Variants in COL4A1 observed in about 807,000 individuals in gnomAD.
COL4A1 encodes collagen alpha-1(IV) chain.
A neutral mutation model predicts 216.6 loss-of-function variants in COL4A1; 40 were observed. The ratio of observed to expected loss-of-function variants is 0.18; its 90% CI spans 0.14 to 0.24. COL4A1 has a LOEUF of 0.24. COL4A1 is among the 10% of genes least tolerant of loss of function. The pLI is 1.00. For synonymous variants in COL4A1, 839 were observed against 810.7 expected (o/e 1.03, Z -0.59); for missense variants, 1,628 against 2,196.8 (o/e 0.74, Z 5.18).
At chr13:110,229,530 GTGTTC>G (rs1880908705) in intron 2 of COL4A1, among the ~76,000 whole-genome samples, 1 of 152,200 alleles carries the variant, frequency 6.6e-6, no homozygotes, top group Non-Finnish European at 1.5e-5. Context: ...TAAAAGTGCT[GTGTTC>G]TGAATGTCCA....
At chr13:110,230,653 A>G (rs1881004121) in intron 2 of COL4A1, among the ~76,000 whole-genome samples, 1 of 152,146 alleles carries the variant, frequency 6.6e-6, no homozygotes, top group South Asian at 2.1e-4. Context: ...GTCCCTATCA[A>G]AGGCCCCCAA....
intron 1 of COL4A1, among the ~76,000 whole-genome samples, chr13:110,249,050 C>T (rs887885622): frequency 6.6e-6 from 1 of 151,984 alleles, no homozygotes; most frequent in Admixed American, 6.6e-5. Context: ...CCCCCAGGGC[C>T]CAAGAATGCC....
intron 17 of COL4A1, among the ~76,000 whole-genome samples, chr13:110,204,607 G>GTT (rs925517430): frequency 6.9e-6 from 1 of 143,972 alleles, no homozygotes. Flanking sequence ...CAATAATGAG[G>GTT]TTTTTTTTTT....
chr13:110,191,986 C>A (rs551410686), intron 24 of COL4A1, among the ~76,000 whole-genome samples: 1 of 152,322 alleles, frequency 6.6e-6, no homozygotes, highest in Non-Finnish European at 1.5e-5. Context: ...AAAATGTTGA[C>A]CAGGTGAGAA....
intron 2 of COL4A1, among the ~76,000 whole-genome samples, chr13:110,219,660 A>ATGTG (rs1165281751): frequency 0.1 from 12,326 of 119,084 alleles, 795 homozygotes; most frequent in East Asian, 0.18. Flanking sequence ...ATATATATAT[A>ATGTG]TGTATATATA....
chr13:110,204,653 T>TTA (rs1221027445), intron 17 of COL4A1, among the ~76,000 whole-genome samples: 2 of 151,760 alleles, frequency 1.3e-5, no homozygotes, highest in Admixed American at 6.6e-5. Context: ...TTTAGATTTT[T>TTA]TTTTTTTTTT....
chr13:110,219,790 GTGTATATA>G (rs1193125156), intron 2 of COL4A1, among the ~76,000 whole-genome samples: 7 of 134,358 alleles, frequency 5.2e-5, no homozygotes, highest in African/African-American at 8.0e-5. Flanking sequence ...GCGTATATAT[GTGTATATA>G]TGTATATATG....
At chr13:110,171,343 C>A (rs73609561) in intron 41 of COL4A1, among the ~76,000 whole-genome samples, 16 of 151,568 alleles carry the variant, frequency 1.1e-4, no homozygotes, top group African/African-American at 3.6e-4. Context: ...TATGAAGCCA[C>A]GGAGGAGACT....
intron 1 of COL4A1, among the ~76,000 whole-genome samples, chr13:110,279,125 C>A (rs1373972902): frequency 6.6e-6 from 1 of 152,138 alleles, no homozygotes; most frequent in Non-Finnish European, 1.5e-5. Flanking sequence ...ATGTTTCTAC[C>A]TACTTGGCTT....
chr13:110,211,955 C>G lies in COL4A1; in HGVS notation c.388-33G>C. On this transcript the variant is annotated intron_variant, in intron 6 of 51. Coordinates refer to ENST00000375820, the MANE Select transcript of COL4A1 (RefSeq NM_001845.6). This position sits in a 1 kb window ranked among gnomAD's most constrained non-coding sequence, Gnocchi z 4.3. The stretch of plus-strand genomic sequence containing the variant: ...GACAGCAGAGCATCATTCATACGCA[C>G]TGTGTGTGGCAGACACATCAGCCCT... 1.2e-6 allele frequency: 2 copies of G among 1,604,416 alleles called. No individual in the cohort carries two copies. The highest frequency in any genetic ancestry group is 1.7e-6 in the Non-Finnish European group (2 of 1,171,244).
rs185179107 is a variant in COL4A1 at position 110,194,605 on chromosome 13, G to A, written c.1381+418C>T. Among the ~76,000 whole-genome samples, 268 of 152,290 alleles carry A rather than the reference G, an allele frequency of 1.8e-3. 1 individual carries two copies. Among genetic ancestry groups the A allele is most frequent in the South Asian group, 7.1e-3 (34 of 4,818 alleles). On this transcript the variant is annotated intron_variant, in intron 22 of 51. Coordinates refer to ENST00000375820, the MANE Select transcript of COL4A1 (RefSeq NM_001845.6). ...TCACACTGATGATGCAAACACCACT[G>A]GAAGAATTGGTGAGCATTCCATGTG...
intron 21 of COL4A1, among the ~76,000 whole-genome samples, chr13:110,195,542 CT>C (rs1328348715): frequency 6.6e-6 from 1 of 152,142 alleles, no homozygotes; most frequent in East Asian, 1.9e-4. Context: ...TTTTTTCCCC[CT>C]CTAACCCAAT....
chr13:110,162,593 C>T, intron 47 of COL4A1, 151 bp from the exon 48 acceptor site: 1 of 691,318 alleles, frequency 1.4e-6, no homozygotes, highest in South Asian at 1.7e-5. Flanking sequence ...AAAAAGAATG[C>T]ATGGCTAACT....
At chr13:110,156,469 G>A (rs987042860) in intron 49 of COL4A1, among the ~76,000 whole-genome samples, 11 of 152,150 alleles carry the variant, frequency 7.2e-5, no homozygotes, top group African/African-American at 2.7e-4. Context: ...CTGCCCTCTT[G>A]GCTCAGATGT....
At chr13:110,219,828 GTATGTA>G (rs1880341812) in intron 2 of COL4A1, among the ~76,000 whole-genome samples, 9 of 69,658 alleles carry the variant, frequency 1.3e-4, no homozygotes, top group African/African-American at 3.4e-4. Flanking sequence ...GTATATATAT[GTATGTA>G]TGTATATATG....
In COL4A1 at chr13:110,200,986, T is replaced by C. The variant is rs893419422; in HGVS notation, c.1085-97A>G. ...CTGAAAGCCTTGCTTGGTGCATTGG[T>C]AAGTGTCCATGGCCAAAGGGAACGT... On this transcript the variant is annotated intron_variant, in intron 19 of 51. Transcript: ENST00000375820. 7 of 1,341,562 alleles carry C rather than the reference T, an allele frequency of 5.2e-6. No individual in the cohort carries two copies. In the African/African-American group the frequency reaches 5.8e-5, roughly 11 times the overall value. 83.1% of individuals were successfully genotyped at this position (1,341,562 alleles called of 1,614,324 possible).
intron 1 of COL4A1, among the ~76,000 whole-genome samples, chr13:110,253,810 A>G (rs1431885918): frequency 1.3e-5 from 1 of 79,108 alleles, no homozygotes; most frequent in African/African-American, 3.5e-5. Flanking sequence ...TATATGTATA[A>G]TTATACGTAT....
intron 49 of COL4A1, among the ~76,000 whole-genome samples, chr13:110,158,659 A>C (rs574543297): frequency 7.2e-5 from 11 of 152,176 alleles, no homozygotes; most frequent in Non-Finnish European, 1.3e-4. Flanking sequence ...AAAAAGTAAA[A>C]TTACGGAATA....
chr13:110,172,835 C>G (rs1877708065), intron 40 of COL4A1, 65 bp from the exon 41 acceptor site: 1 of 1,320,832 alleles, frequency 7.6e-7, no homozygotes, highest in African/African-American at 1.4e-5. Context: ...AGGTACAACA[C>G]AAAGCACTAT....
Sources: gnomAD v4.1 joint callset for allele counts (sites outside exome capture counted in the v4.1 genomes callset) on GRCh38, gnomAD v4.1.1 for gene constraint, Gnocchi (gnomAD v3.1) non-coding constraint, MANE v1.5 for transcripts, NCBI Gene and HGNC (gene_info 2026-07-23, HGNC 2026-07-21) for gene names.